Variants in ATRNL1 observed in about 807,000 individuals in gnomAD.
ATRNL1 encodes attractin-like protein 1.
In ATRNL1, 95 loss-of-function variants were observed where a neutral mutation model predicts 182.7. That is an observed-to-expected ratio of 0.52 (90% CI 0.44 to 0.62). The LOEUF is 0.62. Ranked by LOEUF, ATRNL1 falls within the 20% of genes least tolerant of loss-of-function variation. The pLI is 0.00. For missense variants in ATRNL1, 1,471 were observed against 1,679.5 expected, an observed-to-expected ratio of 0.88 and a Z score of 2.17; for synonymous variants, 576 against 568.3, an observed-to-expected ratio of 1.01 and a Z score of -0.19.
At chr10:115,257,359 A>G (rs1851195166) in intron 10 of ATRNL1, among the ~76,000 whole-genome samples, 1 of 152,150 alleles carries the variant, frequency 6.6e-6, no homozygotes, top group African/African-American at 2.4e-5. Context: ...TTCTTGTTAA[A>G]TTGATCCCTT....
intron 21 of ATRNL1, among the ~76,000 whole-genome samples, chr10:115,460,916 A>G (rs1847764586): frequency 6.6e-6 from 1 of 152,110 alleles, no homozygotes; most frequent in South Asian, 2.1e-4. Context: ...TCAGATGAAA[A>G]TTGGAACTAT....
chr10:115,528,551 G>T (rs144707610), intron 25 of ATRNL1, among the ~76,000 whole-genome samples: 2 of 151,470 alleles, frequency 1.3e-5, no homozygotes, highest in East Asian at 3.9e-4. Flanking sequence ...CTAAAGGTTT[G>T]CCAATTTTGT....
chr10:115,428,771 G>T (rs1846018955), intron 21 of ATRNL1, among the ~76,000 whole-genome samples: 1 of 151,838 alleles, frequency 6.6e-6, no homozygotes, highest in Non-Finnish European at 1.5e-5. Flanking sequence ...TTTTTTCTAG[G>T]TTTTGTCATT....
intron 18 of ATRNL1, 50 bp from the exon 19 acceptor site, chr10:115,334,232 T>TA: frequency 3.2e-6 from 4 of 1,234,820 alleles, no homozygotes; most frequent in Non-Finnish European, 4.4e-6. Context: ...ATAGCTATTA[T>TA]ACTTGATATT....
At chr10:115,596,047 T>A (rs1252186963) in intron 26 of ATRNL1, among the ~76,000 whole-genome samples, 1 of 152,158 alleles carries the variant, frequency 6.6e-6, no homozygotes, top group Non-Finnish European at 1.5e-5. Flanking sequence ...TCGTAAAAGT[T>A]ACATAATGGT....
intron 26 of ATRNL1, among the ~76,000 whole-genome samples, chr10:115,625,787 G>A (rs1358912054): frequency 6.6e-6 from 1 of 151,968 alleles, no homozygotes; most frequent in Non-Finnish European, 1.5e-5. Flanking sequence ...AAGGCGCATA[G>A]GAATGACCCT....
intron 27 of ATRNL1, among the ~76,000 whole-genome samples, chr10:115,729,495 T>TTGTGTGTGTGTGTGTGTGTGTG (rs139166434): frequency 9.1e-5 from 13 of 142,162 alleles, no homozygotes; most frequent in African/African-American, 2.9e-4. Flanking sequence ...CTACCCCATT[T>TTGTGTGTGTGTGTGTGTGTGTG]TGTGTGTGTG....
chr10:115,511,075 G>A (rs1554982567), intron 24 of ATRNL1, among the ~76,000 whole-genome samples: 1 of 151,896 alleles, frequency 6.6e-6, no homozygotes, highest in Non-Finnish European at 1.5e-5. Flanking sequence ...CTTATGCAGA[G>A]CTGTCTGGTA....
intron 27 of ATRNL1, among the ~76,000 whole-genome samples, chr10:115,753,207 G>C (rs1455574127): frequency 1.3e-5 from 2 of 151,872 alleles, no homozygotes; most frequent in Non-Finnish European, 2.9e-5. Flanking sequence ...TTCAGTTCTG[G>C]GGTACATGTG....
chr10:115,516,224 T>C (rs1554983850), intron 24 of ATRNL1, among the ~76,000 whole-genome samples: 1 of 151,888 alleles, frequency 6.6e-6, no homozygotes, highest in East Asian at 1.9e-4. Context: ...CACTTTTCTA[T>C]TCTCAATAAG....
chr10:115,527,996 C>CCCTTCCTT (rs1256687871), intron 25 of ATRNL1, among the ~76,000 whole-genome samples: 1 of 54,022 alleles, frequency 1.9e-5, no homozygotes, highest in Non-Finnish European at 3.0e-5. Context: ...CTCCCTCCCT[C>CCCTTCCTT]CCTTCCTTCC....
chr10:115,301,409 A>G (rs1853460499), intron 16 of ATRNL1, among the ~76,000 whole-genome samples: 1 of 152,156 alleles, frequency 6.6e-6, no homozygotes, highest in Non-Finnish European at 1.5e-5. Context: ...TGTGATAAAT[A>G]TTGTATCTTG....
intron 20 of ATRNL1, among the ~76,000 whole-genome samples, chr10:115,396,891 T>C (rs986159716): frequency 1.3e-5 from 2 of 151,934 alleles, no homozygotes; most frequent in Admixed American, 1.3e-4. Context: ...GTGCAAAATA[T>C]TAGAAAATCA....
chr10:115,338,914 G>T (rs781905771), intron 19 of ATRNL1, among the ~76,000 whole-genome samples: 1 of 152,160 alleles, frequency 6.6e-6, no homozygotes, highest in Non-Finnish European at 1.5e-5. Context: ...GCAAGAGATA[G>T]GCTCTAGTTT....
chr10:115,478,241 A>T (rs1848617848), intron 24 of ATRNL1, among the ~76,000 whole-genome samples: 1 of 151,730 alleles, frequency 6.6e-6, no homozygotes, highest in Admixed American at 6.6e-5. Flanking sequence ...GAATCTGGGC[A>T]TGAGTTAACT....
chr10:115,198,836 G>T (rs1848452466), intron 8 of ATRNL1, among the ~76,000 whole-genome samples: 1 of 152,030 alleles, frequency 6.6e-6, no homozygotes, highest in Admixed American at 6.6e-5. Context: ...TTTATTTTCA[G>T]GTCCCCTGTT....
chr10:115,947,307 C>T lies in ATRNL1; in HGVS notation c.*2528C>T, dbSNP rs782145819. ...ATATGCAGATACTTTCCCAGAATTT[C>T]GCAGTTAAATGGCTGATCCTCTTGA... On this transcript the variant is annotated 3_prime_UTR_variant, in exon 29 of 29. Coordinates refer to ENST00000355044, the MANE Select transcript of ATRNL1 (RefSeq NM_207303.4). The T allele has an allele frequency of 6.6e-5, 10 of 152,438 alleles. No individual in the cohort carries two copies. Among genetic ancestry groups the T allele is most frequent in the Admixed American group, 3.9e-4 (6 of 15,264 alleles). The allele number at this position is 152,438 out of a possible 1,614,324, so 9.4% of individuals were successfully genotyped here.
At chr10:115,577,647 T>TGTGTGTGC (rs1854807659) in intron 26 of ATRNL1, among the ~76,000 whole-genome samples, 2 of 149,208 alleles carry the variant, frequency 1.3e-5, no homozygotes. Context: ...TGTGTGTGTG[T>TGTGTGTGC]GTGTGTAGCC....
At chr10:115,107,156 C>G (rs1844048184) in intron 1 of ATRNL1, among the ~76,000 whole-genome samples, 1 of 152,182 alleles carries the variant, frequency 6.6e-6, no homozygotes, top group African/African-American at 2.4e-5. Context: ...CCAGCACCAA[C>G]TCAAAAGTCC....
Sources: gnomAD v4.1 joint callset for allele counts (sites outside exome capture counted in the v4.1 genomes callset) on GRCh38, gnomAD v4.1.1 for gene constraint, MANE v1.5 for transcripts, NCBI Gene and HGNC (gene_info 2026-07-23, HGNC 2026-07-21) for gene names.